RRAGB: variants seen among roughly 807,000 people sequenced by gnomAD.
RRAGB encodes Ras related GTP binding B.
A neutral mutation model predicts 29.3 loss-of-function variants in RRAGB; 6 were observed. The ratio of observed to expected loss-of-function variants is 0.21; its 90% confidence interval spans 0.11 to 0.40. The LOEUF (loss-of-function observed/expected upper bound fraction) is 0.40. RRAGB is among the 10% of genes least tolerant of loss of function. RRAGB has a pLI of 1.00. For synonymous variants in RRAGB, 101 were observed against 92.5 expected (o/e 1.09, Z -0.53); for missense variants, 184 against 272.9 (o/e 0.67, Z 2.29).
intron 5 of RRAGB, among the ~76,000 whole-genome samples, chrX:55,738,678 G>A (rs2033948252): frequency 8.9e-6 from 1 of 112,176 alleles, no homozygotes; most frequent in Admixed American, 9.4e-5. Flanking sequence ...GTAATGGGCT[G>A]CACCAGTTGC....
chrX:55,733,141 C>T (rs189162647), intron 5 of RRAGB, among the ~76,000 whole-genome samples: 60 of 111,298 alleles, frequency 5.4e-4, no homozygotes, highest in African/African-American at 1.8e-3. Flanking sequence ...GTTTCTGTGT[C>T]TCCAGTGTCC....
In RRAGB at chrX:55,722,265, C is replaced by T; in HGVS notation, c.206C>T (p.Thr69Ile). The T allele has an allele frequency of 8.4e-7, 1 of 1,185,334 alleles. No homozygotes were observed. The highest frequency in any genetic ancestry group is 1.1e-6 in the Non-Finnish European group (1 of 873,788). The change falls in exon 3 of 10, where the codon ACA (threonine) becomes ATA (isoleucine). Residue 69 changes from threonine (T) to isoleucine (I), a missense_variant. By Grantham distance (89) the Thr-to-Ile change is moderately conservative. Coordinates refer to ENST00000374941, the MANE Select transcript of RRAGB (RefSeq NM_006064.5). ...IIFANYIARDTRRLGATIDVE... is the reference protein window; with the variant it reads ...IIFANYIARDIRRLGATIDVE... ...TTTGCAAATTATATTGCCAGAGACA[C>T]ACGTCGCCTTGGCGCAACAAGTAAG...
chrX:55,750,048 TAAAAAAA>T (rs774847577), intron 5 of RRAGB, among the ~76,000 whole-genome samples: 8 of 16,772 alleles, frequency 4.8e-4, no homozygotes, highest in Non-Finnish European at 7.3e-4. Context: ...AATGATCAAT[TAAAAAAA>T]AAAAAAAAAA....
intron 5 of RRAGB, among the ~76,000 whole-genome samples, chrX:55,748,780 A>G (rs2034365859): frequency 9.7e-6 from 1 of 102,667 alleles, no homozygotes; most frequent in Admixed American, 1.0e-4. Flanking sequence ...TCTGGGAGGG[A>G]GGTGGGGGGG....
At position 55,719,292 on chromosome X, in the gene RRAGB, G is replaced by A. The variant is rs368664349; in HGVS notation, c.93-22G>A. ...CTAAGGGAATTGGATCATGGAAACT[G>A]TTTTTTGGTTTATATCTGCAGGTGG... is the stretch of plus-strand genomic sequence containing the variant. On this transcript the variant is annotated intron_variant, in intron 1 of 9. Coordinates refer to ENST00000374941, the MANE Select transcript of RRAGB (RefSeq NM_006064.5). 59 of 1,174,342 alleles carry A rather than the reference G, an allele frequency of 5.0e-5. No individual in the cohort carries two copies. The Admixed American group carries it at 5.5e-4, about 11-fold the overall frequency.
intron 5 of RRAGB, 73 bp from the exon 6 acceptor site, chrX:55,751,028 A>G: frequency 1.6e-6 from 1 of 621,017 alleles, no homozygotes. Flanking sequence ...AAAATATGAT[A>G]AAATAACTAC....
At position 55,719,247 on chromosome X, in the gene RRAGB, T is replaced by C. The variant is rs767576738; in HGVS notation, c.93-67T>C. ...TCTTTTGTACCTCCATGTTTATTTATACTTCATTAATTTCAATTTCTAAGG... is the reference window on the plus strand; with the variant it reads ...TCTTTTGTACCTCCATGTTTATTTACACTTCATTAATTTCAATTTCTAAGG... On this transcript the variant is annotated intron_variant, in intron 1 of 9. Transcript: ENST00000374941. 445 of 954,517 alleles carry C rather than the reference T, an allele frequency of 4.7e-4. 1 individual carries two copies. The highest frequency in any genetic ancestry group is 6.3e-4 in the Non-Finnish European group (427 of 680,854). The allele number at this position is 954,517 out of a possible 1,213,427, so 78.7% of individuals were successfully genotyped here. A position where few individuals can be genotyped will look rare whatever the true frequency, so the allele number is the denominator to read the frequency against.
intron 3 of RRAGB, among the ~76,000 whole-genome samples, chrX:55,725,170 G>A (rs1035514370): frequency 8.9e-6 from 1 of 111,952 alleles, no homozygotes; most frequent in African/African-American, 3.2e-5. Flanking sequence ...ATACATTAAG[G>A]CAAACCATTT....
intron 3 of RRAGB, among the ~76,000 whole-genome samples, chrX:55,723,669 G>A (rs1437568587): frequency 2.7e-5 from 3 of 110,197 alleles, no homozygotes; most frequent in Non-Finnish European, 5.7e-5. Context: ...GGATTCTCCT[G>A]GCTCAGCCTC....
At chrX:55,744,470 C>T (rs2034182469) in intron 5 of RRAGB, among the ~76,000 whole-genome samples, 1 of 106,640 alleles carries the variant, frequency 9.4e-6, no homozygotes, top group Non-Finnish European at 1.9e-5. Context: ...CTACTTGAGC[C>T]TGATCTCATA....
At chrX:55,722,417 G>A in intron 3 of RRAGB, 132 bp downstream of exon 3, 1 of 393,264 alleles carries the variant, frequency 2.5e-6, no homozygotes, top group East Asian at 3.8e-5. Context: ...TACCCTTTTT[G>A]CATTCGTTTT....
chrX:55,725,860 T>C (rs2146747449), intron 3 of RRAGB, among the ~76,000 whole-genome samples: 1 of 110,644 alleles, frequency 9.0e-6, no homozygotes, highest in South Asian at 3.8e-4. Flanking sequence ...CATCCCTCTT[T>C]AAAAAAAAAT....
At chrX:55,748,480 C>T (rs137944891) in intron 5 of RRAGB, among the ~76,000 whole-genome samples, 53,851 of 106,170 alleles carry the variant, frequency 0.51, 12,785 homozygotes, top group East Asian at 0.73. Context: ...TCTGCCTGGC[C>T]GCCCATCATC....
chrX:55,724,470 A>G (rs2033408638), intron 3 of RRAGB, among the ~76,000 whole-genome samples: 1 of 111,774 alleles, frequency 8.9e-6, no homozygotes, highest in African/African-American at 3.3e-5. Flanking sequence ...TGGAGTTTGT[A>G]CATTTGATGA....
chrX:55,728,318 T>C (rs2033553440), intron 3 of RRAGB, among the ~76,000 whole-genome samples: 1 of 111,728 alleles, frequency 9.0e-6, no homozygotes, highest in Admixed American at 9.5e-5. Flanking sequence ...TACTATCTCA[T>C]TGGGTAGATG....
At position 55,749,473 on chromosome X, in the gene RRAGB, G is replaced by A. The variant is rs1323769261; in HGVS notation, c.517-1628G>A. Among the ~76,000 whole-genome samples, 393 of 109,413 alleles carry A rather than the reference G, an allele frequency of 3.6e-3. 2 individuals carry two copies. The highest frequency in any genetic ancestry group is 0.012 in the African/African-American group (374 of 30,041). ...CGGGAGGTGAGGGGCGCCTCTGTCC[G>A]GCCGCCCCTACTGGGAAGTGAGGAG... On this transcript the variant is annotated intron_variant, in intron 5 of 9. Coordinates refer to ENST00000374941, the MANE Select transcript of RRAGB (RefSeq NM_006064.5).
At chrX:55,738,202 C>T (rs1444125382) in intron 5 of RRAGB, among the ~76,000 whole-genome samples, 1 of 112,729 alleles carries the variant, frequency 8.9e-6, no homozygotes, top group Non-Finnish European at 1.9e-5. Flanking sequence ...GCTTAACATT[C>T]CATTTGGGCT....
chrX:55,739,683 G>A lies in RRAGB; in HGVS notation c.516+8097G>A, dbSNP rs191434113. On this transcript the variant is annotated intron_variant, in intron 5 of 9. Transcript: ENST00000374941. ...CACCACTTCTTTCAAAGTGTCTGAA[G>A]CTTCTTTCAGTTTTTCTGTTGAGTT... Among the ~76,000 whole-genome samples the A allele has an allele frequency of 8.6e-3, 956 of 111,178 alleles. 4 individuals are homozygous for A. Among genetic ancestry groups the A allele is most frequent in the African/African-American group, 0.03 (905 of 30,555 alleles).
At chrX:55,727,500 C>T (rs1185011875) in intron 3 of RRAGB, 7 of 444,764 alleles carry the variant, frequency 1.6e-5, no homozygotes, top group Non-Finnish European at 2.8e-5. Flanking sequence ...ATTGAATCCT[C>T]ATAGTAATCC....
Sources: allele counts gnomAD v4.1 joint callset (sites outside exome capture counted in the v4.1 genomes callset), GRCh38; gene constraint gnomAD v4.1.1; transcripts MANE v1.5; gene names NCBI Gene and HGNC (gene_info 2026-07-23, HGNC 2026-07-21).